DLGAP2: variants seen among roughly 807,000 people sequenced by gnomAD.
DLGAP2 encodes disks large-associated protein 2.
A neutral mutation model predicts 100.3 loss-of-function variants in DLGAP2; 26 were observed. That is an observed-to-expected ratio of 0.26 (90% CI 0.19 to 0.36). The LOEUF (loss-of-function observed/expected upper bound fraction) is 0.36. Among genes scored for constraint, DLGAP2 ranks in the 10% least tolerant of loss-of-function variants. The pLI is 1.00. For missense variants in DLGAP2, 1,858 were observed against 1,453.2 expected, an observed-to-expected ratio of 1.28 and a Z score of -4.53; for synonymous variants, 886 against 630.1, an observed-to-expected ratio of 1.41 and a Z score of -6.08.
intron 2 of DLGAP2, among the ~76,000 whole-genome samples, chr8:1,005,389 C>G (rs1204563232): frequency 6.8e-6 from 1 of 146,326 alleles, no homozygotes; most frequent in Non-Finnish European, 1.5e-5. Context: ...TTCCTGTATT[C>G]AAAACAACTC....
chr8:1,474,071 T>C (rs1158407760), intron 3 of DLGAP2, among the ~76,000 whole-genome samples: 9 of 152,194 alleles, frequency 5.9e-5, no homozygotes. Flanking sequence ...GTCCATTGTA[T>C]CATTCTTACG....
chr8:1,188,501 TCTCACAC>T lies in DLGAP2; in HGVS notation c.74-70349_74-70343del, dbSNP rs529422213. On this transcript the variant is annotated intron_variant, in intron 2 of 14. Transcript: ENST00000637795. ...CTTCCGTGACGTTTCCCTCACGGAA[TCTCACAC>T]GCCCGGGACCTCTGTGACGTTTCCC... Among the ~76,000 whole-genome samples the T allele has an allele frequency of 9.1e-3, 1,130 of 123,764 alleles. 188 individuals carry two copies. The highest frequency in any genetic ancestry group is 0.055 in the African/African-American group (1,023 of 18,492). The allele number at this position is 123,764 out of a possible 152,430, so 81.2% of individuals were successfully genotyped here.
chr8:1,459,445 T>C (rs28612655), intron 3 of DLGAP2, among the ~76,000 whole-genome samples: 28,730 of 152,254 alleles, frequency 0.19, 2,962 homozygotes, highest in East Asian at 0.31. Flanking sequence ...ATAATTAATA[T>C]TGCAACTGAG....
At chr8:1,425,464 A>G (rs190829043) in intron 3 of DLGAP2, among the ~76,000 whole-genome samples, 2 of 152,292 alleles carry the variant, frequency 1.3e-5, no homozygotes, top group East Asian at 1.9e-4. Flanking sequence ...TTAAGAAAGA[A>G]AGAAGTGTCT....
intron 8 of DLGAP2, among the ~76,000 whole-genome samples, chr8:1,652,512 T>G (rs949713688): frequency 9.8e-5 from 15 of 152,294 alleles, no homozygotes; most frequent in African/African-American, 3.6e-4. Context: ...TGCTGCCCAC[T>G]TGCAACTAAC....
chr8:805,988 C>T (rs1796261356), intron 1 of DLGAP2, among the ~76,000 whole-genome samples: 1 of 152,200 alleles, frequency 6.6e-6, no homozygotes, highest in South Asian at 2.1e-4. Context: ...CCCATCTAGC[C>T]CTTCCGTTTT....
At chr8:1,667,008 C>T (rs965820220) in intron 8 of DLGAP2, among the ~76,000 whole-genome samples, 4 of 152,202 alleles carry the variant, frequency 2.6e-5, no homozygotes, top group Admixed American at 1.3e-4. Context: ...CTCCAGGAGA[C>T]GCCCACGTGC....
intron 8 of DLGAP2, among the ~76,000 whole-genome samples, chr8:1,658,390 C>T (rs1219445514): frequency 6.6e-6 from 1 of 152,106 alleles, no homozygotes. Context: ...TTAGGGGCTA[C>T]TTTTTTATAT....
At chr8:870,210 T>C (rs560764728) in intron 1 of DLGAP2, among the ~76,000 whole-genome samples, 27 of 152,334 alleles carry the variant, frequency 1.8e-4, no homozygotes, top group African/African-American at 6.0e-4. Flanking sequence ...CAAAGTTTTC[T>C]CGCCGATATT....
At chr8:857,788 A>G (rs1288546947) in intron 1 of DLGAP2, among the ~76,000 whole-genome samples, 2 of 152,006 alleles carry the variant, frequency 1.3e-5, no homozygotes, top group South Asian at 2.1e-4. Context: ...AACAGTGCAC[A>G]TTTGCCATGC....
intron 2 of DLGAP2, among the ~76,000 whole-genome samples, chr8:1,153,803 C>A (rs1454482398): frequency 2.6e-5 from 4 of 152,144 alleles, no homozygotes; most frequent in Non-Finnish European, 5.9e-5. Context: ...TTGCAGATCT[C>A]ATTTCAGTGG....
intron 1 of DLGAP2, among the ~76,000 whole-genome samples, chr8:837,704 T>A (rs1188671277): frequency 6.7e-6 from 1 of 148,422 alleles, no homozygotes; most frequent in Non-Finnish European, 1.5e-5. Flanking sequence ...TATGTATATA[T>A]AAATATATAT....
chr8:827,073 AT>A (rs1443493411), intron 1 of DLGAP2, among the ~76,000 whole-genome samples: 1 of 152,080 alleles, frequency 6.6e-6, no homozygotes, highest in Non-Finnish European at 1.5e-5. Context: ...ATGGGGAGAC[AT>A]TTTTGGTCAC....
chr8:886,466 G>A (rs1797923980), intron 1 of DLGAP2, among the ~76,000 whole-genome samples: 1 of 152,068 alleles, frequency 6.6e-6, no homozygotes, highest in Non-Finnish European at 1.5e-5. Flanking sequence ...CACTGTTGGG[G>A]TGTCTATCTG....
chr8:1,447,773 T>G (rs1798022175), intron 3 of DLGAP2, among the ~76,000 whole-genome samples: 1 of 152,258 alleles, frequency 6.6e-6, no homozygotes, highest in Non-Finnish European at 1.5e-5. Context: ...AGCCTGTTAC[T>G]GGTCTATTCA....
chr8:1,342,454 G>T (rs1585278263), intron 3 of DLGAP2, among the ~76,000 whole-genome samples: 1 of 152,166 alleles, frequency 6.6e-6, no homozygotes, highest in Non-Finnish European at 1.5e-5. Context: ...GTTATTGAAT[G>T]GTACCGAGCA....
chr8:901,719 G>A (rs1031073940), intron 1 of DLGAP2, among the ~76,000 whole-genome samples: 1 of 152,224 alleles, frequency 6.6e-6, no homozygotes, highest in Non-Finnish European at 1.5e-5. Context: ...AGCCTCGATG[G>A]CAGCACGGGG....
intron 2 of DLGAP2, among the ~76,000 whole-genome samples, chr8:996,246 T>A (rs1024505827): frequency 3.9e-5 from 6 of 152,174 alleles, no homozygotes; most frequent in Admixed American, 3.9e-4. Context: ...GATTGTGAGA[T>A]GGAGGCTGTG....
intron 1 of DLGAP2, among the ~76,000 whole-genome samples, chr8:823,237 C>T (rs929122841): frequency 9.2e-5 from 14 of 152,146 alleles, no homozygotes; most frequent in African/African-American, 3.4e-4. Flanking sequence ...ACCTCAGGAA[C>T]AGGCAGCTCT....
Sources: gnomAD v4.1 joint callset for allele counts (sites outside exome capture counted in the v4.1 genomes callset) on GRCh38, gnomAD v4.1.1 for gene constraint, MANE v1.5 for transcripts, NCBI Gene and HGNC (gene_info 2026-07-23, HGNC 2026-07-21) for gene names.